FBXL14: variants seen among roughly 807,000 people sequenced by gnomAD.
FBXL14 encodes the protein F-box/LRR-repeat protein 14.
A neutral mutation model predicts 24.5 loss-of-function variants in FBXL14; 11 were observed. The observed-to-expected ratio is 0.45, with a 90% CI of 0.28 to 0.74. FBXL14 has a LOEUF of 0.74. FBXL14 is among the 30% of genes least tolerant of loss of function. The pLI is 0.12. For synonymous variants in FBXL14, 294 were observed against 240.4 expected (o/e 1.22, Z -2.06); for missense variants, 384 against 545.6 (o/e 0.70, Z 2.95).
Position 1,593,770 on chromosome 12 carries a change from G to A in FBXL14, c.297C>T (p.Gly99=), listed in dbSNP as rs139319635. Reference sequence around the variant, plus strand: ...GCCCGTTGTCGGTGAGGTTGTAGCAGCCGCTGAGGTTGAGGCTCTCGATGT... The same window carrying A: ...GCCCGTTGTCGGTGAGGTTGTAGCAACCGCTGAGGTTGAGGCTCTCGATGT... ...MANIESLNLS[G]CYNLTDNGLG... Residue 99 remains glycine (G), a synonymous_variant, in exon 1 of 2, where the codon GGC becomes GGT. Coordinates refer to ENST00000339235, the MANE Select transcript of FBXL14 (RefSeq NM_152441.3). This position sits in a 1 kb window ranked among gnomAD's most constrained non-coding sequence, Gnocchi z 7.4. The A allele has an allele frequency of 3.2e-4, 513 of 1,614,212 alleles. No individual in the cohort carries two copies. Among genetic ancestry groups the A allele is most frequent in the Middle Eastern group, 4.9e-4 (3 of 6,062 alleles).
At chr12:1,575,778 G>C (rs1381042211) in intron 1 of FBXL14, among the ~76,000 whole-genome samples, 2 of 152,180 alleles carry the variant, frequency 1.3e-5, no homozygotes, top group Non-Finnish European at 2.9e-5. Context: ...AATCATGTTT[G>C]AGGAAGCGTC....
intron 1 of FBXL14, among the ~76,000 whole-genome samples, chr12:1,574,279 C>T (rs1291122730): frequency 8.9e-6 from 1 of 112,410 alleles, no homozygotes; most frequent in Admixed American, 9.9e-5. Flanking sequence ...GCAGTTTTCG[C>T]CAGCGCCCCA....
Position 1,594,190 on chromosome 12 carries a change from CCAACG to C in FBXL14, c.-129_-125del. Reference sequence around the variant, plus strand: ...CGCCGCCGCCGCCGCCGCCTCGGGCCCAACGGCCGGCCCCTCCCCGCCTTCCGGCT... The same window carrying C: ...CGCCGCCGCCGCCGCCGCCTCGGGCCGCCGGCCCCTCCCCGCCTTCCGGCT... On this transcript the variant is annotated 5_prime_UTR_variant, in exon 1 of 2. Coordinates refer to ENST00000339235, the MANE Select transcript of FBXL14 (RefSeq NM_152441.3). 4 of 553,616 alleles carry C rather than the reference CCAACG, an allele frequency of 7.2e-6. No homozygotes were observed. The highest frequency in any genetic ancestry group is 7.3e-6 in the Non-Finnish European group (3 of 410,918). 34.3% of individuals were successfully genotyped at this position (553,616 alleles called of 1,614,324 possible). A position where few individuals can be genotyped will look rare whatever the true frequency, so the allele number is the denominator to read the frequency against.
chr12:1,580,415 G>C (rs1257205540), intron 1 of FBXL14, among the ~76,000 whole-genome samples: 1 of 152,168 alleles, frequency 6.6e-6, no homozygotes, highest in African/African-American at 2.4e-5. Flanking sequence ...AAGCAATAGT[G>C]TTCACAGATG....
intron 1 of FBXL14, among the ~76,000 whole-genome samples, chr12:1,589,013 CTA>C (rs138595314): frequency 0.018 from 2,664 of 151,600 alleles, 36 homozygotes; most frequent in Middle Eastern, 0.061. Context: ...CCGTTCACTT[CTA>C]TGAGGGTCAC....
rs2094441055 is a variant in FBXL14 at position 1,569,178 on chromosome 12, C to CT, written c.1195-2369dup. On this transcript the variant is annotated intron_variant, in intron 1 of 1. Coordinates refer to ENST00000339235, the MANE Select transcript of FBXL14 (RefSeq NM_152441.3). The surrounding 1 kb of genome is among the most constrained non-coding windows in gnomAD (Gnocchi z 4.2). Reference sequence around the variant, plus strand: ...TATAATCAATGCTTGTTTTGCTTCTCTTTTTTCTCCTTTTCATTTTCCTTT... The same window carrying CT: ...TATAATCAATGCTTGTTTTGCTTCTCTTTTTTTCTCCTTTTCATTTTCCTTT... Among the ~76,000 whole-genome samples the CT allele has an allele frequency of 6.6e-6, 1 of 152,056 alleles. No individual in the cohort carries two copies. The highest frequency in any genetic ancestry group is 1.5e-5 in the Non-Finnish European group (1 of 68,004).
intron 1 of FBXL14, chr12:1,574,841 T>C (rs1231948443): frequency 6.6e-6 from 1 of 152,362 alleles, no homozygotes; most frequent in Non-Finnish European, 1.5e-5. Flanking sequence ...TTCAGTGTCA[T>C]GTGAGTATTA....
intron 1 of FBXL14, among the ~76,000 whole-genome samples, chr12:1,588,944 A>G (rs960818743): frequency 6.6e-6 from 1 of 151,768 alleles, no homozygotes; most frequent in Non-Finnish European, 1.5e-5. Context: ...AGTCACCCCT[A>G]TTCCCTTTGA....
chr12:1,589,448 AAAAAAAAGACAGGAAGGCAGGAAGAC>A (rs2094484148), intron 1 of FBXL14, among the ~76,000 whole-genome samples: 4 of 143,410 alleles, frequency 2.8e-5, no homozygotes, highest in African/African-American at 1.1e-4. Flanking sequence ...AAAAAAAAAA[AAAAAAAAGACAGGAAGGCAGGAAGAC>A]AGGAAGGAAG....
chr12:1,583,275 T>C (rs1350750517), intron 1 of FBXL14, among the ~76,000 whole-genome samples: 2 of 152,058 alleles, frequency 1.3e-5, no homozygotes, highest in African/African-American at 4.8e-5. Context: ...GATACCTCCA[T>C]GTATGACTAA....
intron 1 of FBXL14, among the ~76,000 whole-genome samples, chr12:1,577,217 T>TA (rs1468490285): frequency 1.3e-5 from 2 of 152,204 alleles, no homozygotes; most frequent in Non-Finnish European, 2.9e-5. Flanking sequence ...ATGCTTCATT[T>TA]CATGATCGTA....
In FBXL14 at chr12:1,573,962, A is replaced by G. The variant is rs375365207; in HGVS notation, c.1195-7152T>C. 7.7e-4 allele frequency among the ~76,000 whole-genome samples: 116 copies of G among 151,628 alleles called. 3 individuals carry two copies. The South Asian group carries it at 0.022, about 29-fold the overall frequency. On this transcript the variant is annotated intron_variant, in intron 1 of 1. Coordinates refer to ENST00000339235, the MANE Select transcript of FBXL14 (RefSeq NM_152441.3). ...GGAGGTTTTGGTGAGCTGAGATCGC[A>G]CCATTGCACTCCAGCCTGGGCAACA...
At chr12:1,583,712 CCA>C (rs2154438120) in intron 1 of FBXL14, among the ~76,000 whole-genome samples, 1 of 152,306 alleles carries the variant, frequency 6.6e-6, no homozygotes, top group Non-Finnish European at 1.5e-5. Context: ...GTGGATTTCT[CCA>C]CTTTCTGTCT....
chr12:1,594,291 G>A lies in FBXL14; in HGVS notation c.-225C>T, dbSNP rs1186717210. The A allele has an allele frequency of 1.9e-5, 3 of 160,622 alleles. No homozygotes were observed. Among genetic ancestry groups the A allele is most frequent in the Non-Finnish European group, 4.0e-5 (3 of 75,578 alleles). 9.9% of individuals were successfully genotyped at this position (160,622 alleles called of 1,614,324 possible). Reference sequence around the variant, plus strand: ...TCCTGCCGGCTGCGCCTCCGGCCCGGCCCTCCCCCGCCCCGGGCTCCGCAC... The same window carrying A: ...TCCTGCCGGCTGCGCCTCCGGCCCGACCCTCCCCCGCCCCGGGCTCCGCAC... On this transcript the variant is annotated 5_prime_UTR_variant, in exon 1 of 2. Transcript: ENST00000339235.
In FBXL14 at chr12:1,593,831, C is replaced by A. The variant is rs1350467088; in HGVS notation, c.236G>T (p.Arg79Leu). The A allele has an allele frequency of 6.2e-7, 1 of 1,613,966 alleles. No individual in the cohort carries two copies. Among genetic ancestry groups the A allele is most frequent in the Non-Finnish European group, 8.5e-7 (1 of 1,179,974 alleles). Residue 79 changes from arginine (R) to leucine (L), a missense_variant, in exon 1 of 2, where the codon CGC (arginine) becomes CTC (leucine). Arg to Leu is a moderately radical substitution (Grantham distance 102). Coordinates refer to ENST00000339235, the MANE Select transcript of FBXL14 (RefSeq NM_152441.3). The surrounding 1 kb of genome is among the most constrained non-coding windows in gnomAD (Gnocchi z 7.4). ...GIRRVQILSL[R>L]RSLSYVIQGM... is the part of the protein sequence containing the mutation. ...CTGGATCACGTAGCTGAGGCTGCGG[C>A]GGAGGCTCAGGATCTGCACCCGGCG...
chr12:1,587,566 C>G (rs1236341217), intron 1 of FBXL14: 1 of 152,146 alleles, frequency 6.6e-6, no homozygotes, highest in Non-Finnish European at 1.5e-5. Context: ...TGAAACTGAT[C>G]ATTTGTGGAC....
intron 1 of FBXL14, among the ~76,000 whole-genome samples, chr12:1,581,064 T>C (rs892813934): frequency 1.3e-5 from 2 of 152,134 alleles, no homozygotes; most frequent in Non-Finnish European, 2.9e-5. Context: ...ACTGGCCTCA[T>C]TGCTGTTATG....
At chr12:1,584,427 C>T (rs2094472608) in intron 1 of FBXL14, among the ~76,000 whole-genome samples, 1 of 152,156 alleles carries the variant, frequency 6.6e-6, no homozygotes, top group African/African-American at 2.4e-5. Flanking sequence ...CTGCAGTTCC[C>T]CTTGTGATTC....
intron 1 of FBXL14, among the ~76,000 whole-genome samples, chr12:1,568,632 A>G (rs12825260): frequency 0.12 from 18,300 of 152,200 alleles, 1,174 homozygotes; most frequent in Non-Finnish European, 0.13. Flanking sequence ...ACAAGGGATG[A>G]GGGGAGGAAT....
Sources: allele counts gnomAD v4.1 joint callset (sites outside exome capture counted in the v4.1 genomes callset), GRCh38; gene constraint gnomAD v4.1.1; non-coding constraint Gnocchi (gnomAD v3.1); transcripts MANE v1.5; gene names NCBI Gene and HGNC (gene_info 2026-07-23, HGNC 2026-07-21).